Variants in COL14A1 observed in about 807,000 individuals in gnomAD.
The protein encoded by COL14A1 is collagen type XIV alpha 1 chain.
A neutral mutation model predicts 230.3 loss-of-function variants in COL14A1; 136 were observed. The ratio of observed to expected loss-of-function variants is 0.59; its 90% CI spans 0.51 to 0.68. The LOEUF (loss-of-function observed/expected upper bound fraction) is 0.68, where lower values mean the gene tolerates loss of function less well. COL14A1 is among the 30% of genes least tolerant of loss of function. COL14A1 has a pLI of 0.00. For missense variants in COL14A1, 1,976 were observed against 2,215.8 expected (o/e 0.89, Z 2.17); for synonymous variants, 792 against 784.1 (o/e 1.01, Z -0.17).
At chr8:120,218,454 C>T (rs1044147830) in intron 14 of COL14A1, among the ~76,000 whole-genome samples, 2 of 151,638 alleles carry the variant, frequency 1.3e-5, no homozygotes, top group Admixed American at 6.6e-5. Flanking sequence ...GGACTACAGG[C>T]GTGCGCCACT....
chr8:120,346,987 T>A (rs147495934), intron 45 of COL14A1, among the ~76,000 whole-genome samples: 1 of 152,274 alleles, frequency 6.6e-6, no homozygotes, highest in Non-Finnish European at 1.5e-5. Flanking sequence ...CATCATTCCC[T>A]CACAACACAC....
At chr8:120,137,177 C>A (rs909662241) in intron 1 of COL14A1, among the ~76,000 whole-genome samples, 1 of 151,916 alleles carries the variant, frequency 6.6e-6, no homozygotes, top group Non-Finnish European at 1.5e-5. Flanking sequence ...TCTATTTCTT[C>A]ATGTGTCTGT....
chr8:120,255,428 A>T, intron 23 of COL14A1, 72 bp downstream of exon 23: 1 of 1,131,904 alleles, frequency 8.8e-7, no homozygotes, highest in Non-Finnish European at 1.3e-6. Context: ...CACTGTGTAC[A>T]ACACACAAGT....
chr8:120,179,660 G>C (rs937466526), intron 5 of COL14A1, among the ~76,000 whole-genome samples: 2 of 151,636 alleles, frequency 1.3e-5, no homozygotes, highest in African/African-American at 4.8e-5. Flanking sequence ...GCTACCATTA[G>C]AATTAGAAAA....
At chr8:120,147,301 G>T (rs1428054331) in intron 1 of COL14A1, among the ~76,000 whole-genome samples, 1 of 152,066 alleles carries the variant, frequency 6.6e-6, no homozygotes, top group Non-Finnish European at 1.5e-5. Flanking sequence ...AGGATTAGGG[G>T]TTATTCAACC....
intron 19 of COL14A1, among the ~76,000 whole-genome samples, chr8:120,237,357 G>A (rs2130834391): frequency 6.6e-6 from 1 of 152,044 alleles, no homozygotes; most frequent in South Asian, 2.1e-4. Flanking sequence ...ATTTCCTTAA[G>A]TTGATCTTCA....
intron 27 of COL14A1, 93 bp downstream of exon 27, chr8:120,278,327 A>G: frequency 6.6e-7 from 1 of 1,507,868 alleles, no homozygotes; most frequent in East Asian, 2.3e-5. Flanking sequence ...GTAATTTTTT[A>G]AAGATTTTTT....
chr8:120,215,388 AAAGGAAGGAAGG>A (rs369319185), intron 13 of COL14A1, among the ~76,000 whole-genome samples: 2 of 151,612 alleles, frequency 1.3e-5, no homozygotes, highest in African/African-American at 4.9e-5. Context: ...GAAAGAAAAG[AAAGGAAGGAAGG>A]AAGGAAGGAA....
chr8:120,225,012 A>C, intron 14 of COL14A1, 76 bp from the exon 15 acceptor site: 1 of 1,394,932 alleles, frequency 7.2e-7, no homozygotes, highest in East Asian at 2.4e-5. Context: ...CAGCTAAGCG[A>C]GCTACAGACA....
intron 5 of COL14A1, among the ~76,000 whole-genome samples, chr8:120,176,263 G>A (rs971953040): frequency 2.6e-5 from 4 of 152,178 alleles, no homozygotes; most frequent in Admixed American, 2.6e-4. Flanking sequence ...TGGGGATTAA[G>A]TGGTGAGCAT....
chr8:120,310,070 G>T lies in COL14A1; in HGVS notation c.4455+8G>T. ...GGTGAACCGGGTCCAAAGGTAATGC[G>T]CATGTTTTCTCTCTCTCTCTGTCTC... On this transcript the variant is annotated splice_region_variant and intron_variant, in intron 37 of 47. Coordinates refer to ENST00000297848, the MANE Select transcript of COL14A1 (RefSeq NM_021110.4). 1 of 1,612,540 alleles carries T rather than the reference G, an allele frequency of 6.2e-7. No homozygotes were observed.
At chr8:120,145,980 T>A (rs1815079681) in intron 1 of COL14A1, among the ~76,000 whole-genome samples, 1 of 152,174 alleles carries the variant, frequency 6.6e-6, no homozygotes, top group East Asian at 1.9e-4. Context: ...GGAAAGAAAG[T>A]GATGTGAAGG....
intron 36 of COL14A1, among the ~76,000 whole-genome samples, chr8:120,304,979 CTTT>C (rs1203765080): frequency 2.1e-5 from 3 of 141,008 alleles, no homozygotes; most frequent in Admixed American, 7.1e-5. Flanking sequence ...ACTGTGAAAA[CTTT>C]TTTTTTTTTT....
rs199841665 is a variant in COL14A1 at position 120,300,772 on chromosome 8, C to T, written c.4355C>T (p.Ser1452Phe). Residue 1452 changes from serine to phenylalanine, a missense_variant, in exon 36 of 48, where the codon TCC becomes TTC. By Grantham distance (155) the Ser-to-Phe change is radical (BLOSUM62 -2). Around this residue, in one of 3 missense-constraint regions of COL14A1, gnomAD observed 1,791 missense variants for 2,019.5 expected, o/e 0.89. Transcript: ENST00000297848. ...ESCPDLPHSC[S>F]CSETNEVALG... Reference sequence around the variant, plus strand: ...TGCCCAGACCTTCCCCATTCCTGCTCCTGTTCTGAAACCAATGAAGTGGCT... The same window carrying T: ...TGCCCAGACCTTCCCCATTCCTGCTTCTGTTCTGAAACCAATGAAGTGGCT... The T allele has an allele frequency of 2.9e-5, 47 of 1,613,532 alleles. No homozygotes were observed. The highest frequency in any genetic ancestry group is 3.3e-4 in the Middle Eastern group (2 of 6,080).
chr8:120,130,085 G>A (rs990133531), intron 1 of COL14A1, among the ~76,000 whole-genome samples: 2 of 152,176 alleles, frequency 1.3e-5, no homozygotes, highest in African/African-American at 4.8e-5. Context: ...TCCACAAACT[G>A]TTACCTGCCT....
chr8:120,358,470 C>G (rs1823061464), intron 45 of COL14A1, among the ~76,000 whole-genome samples: 1 of 151,936 alleles, frequency 6.6e-6, no homozygotes, highest in South Asian at 2.1e-4. Context: ...ATTTCTCATT[C>G]ACACCTTGAG....
At chr8:120,149,433 T>C (rs1248632676) in intron 2 of COL14A1, among the ~76,000 whole-genome samples, 1 of 152,180 alleles carries the variant, frequency 6.6e-6, no homozygotes, top group African/African-American at 2.4e-5. Context: ...GTTATTTATG[T>C]TGATGAAAGA....
At chr8:120,336,290 T>C (rs1822069094) in intron 42 of COL14A1, among the ~76,000 whole-genome samples, 1 of 152,138 alleles carries the variant, frequency 6.6e-6, no homozygotes, top group Non-Finnish European at 1.5e-5. Flanking sequence ...AGTAGCGGCT[T>C]CAGGAGCATT....
intron 45 of COL14A1, among the ~76,000 whole-genome samples, chr8:120,361,603 C>G (rs1441950131): frequency 2.0e-5 from 3 of 152,130 alleles, no homozygotes; most frequent in Admixed American, 2.0e-4. Context: ...CCAGTATATC[C>G]CAGGCAACAG....
Sources: gnomAD v4.1 joint callset for allele counts (sites outside exome capture counted in the v4.1 genomes callset) on GRCh38, gnomAD v4.1.1 for gene constraint, gnomAD v4.1.1 regional missense constraint, MANE v1.5 for transcripts, NCBI Gene and HGNC (gene_info 2026-07-23, HGNC 2026-07-21) for gene names.